NOX4: variants seen among roughly 807,000 people sequenced by gnomAD.
The protein encoded by NOX4 is NADPH oxidase 4, also known as kidney oxidase-1.
NOX4 carries 69 observed loss-of-function variants against 87.6 expected under a neutral mutation model. The observed-to-expected ratio is 0.79, with a 90% CI of 0.65 to 0.96. The LOEUF (loss-of-function observed/expected upper bound fraction) is 0.96, where lower values mean the gene tolerates loss of function less well. Among genes scored for constraint, NOX4 ranks in the 40% least tolerant of loss-of-function variants. The probability of loss-of-function intolerance (pLI) is 0.00; values close to 1 mark genes in which losing one functional copy is unlikely to be tolerated. For missense variants in NOX4, 680 were observed against 681.5 expected, an observed-to-expected ratio of 1.00 and a Z score of 0.02; for synonymous variants, 275 against 238.2, an observed-to-expected ratio of 1.15 and a Z score of -1.42.
chr11:89,569,658 T>C, the NOX4 span, among the ~76,000 whole-genome samples: 1 of 152,140 alleles, frequency 6.6e-6, no homozygotes. Flanking sequence ...GAACTTAAAA[T>C]GGAATTATCG....
the NOX4 span, among the ~76,000 whole-genome samples, chr11:89,514,334 T>A: frequency 6.6e-6 from 1 of 152,136 alleles, no homozygotes; most frequent in East Asian, 1.9e-4. Context: ...TTACAGTTAA[T>A]TTTTGTAAAG....
At chr11:89,558,794 A>G in the NOX4 span, among the ~76,000 whole-genome samples, 3 of 152,130 alleles carry the variant, frequency 2.0e-5, no homozygotes, top group African/African-American at 7.2e-5. Flanking sequence ...GAATAAATTT[A>G]CTACATTCTA....
intron 15 of NOX4, among the ~76,000 whole-genome samples, chr11:89,338,354 A>T (rs1015056608): frequency 6.6e-6 from 1 of 152,034 alleles, no homozygotes; most frequent in African/African-American, 2.4e-5. Context: ...ATAGTTATGC[A>T]TTGTATGTGT....
chr11:89,335,841 T>G lies in NOX4; in HGVS notation c.1616+4A>C. The G allele has an allele frequency of 1.3e-6, 2 of 1,514,512 alleles. No individual in the cohort carries two copies. Among genetic ancestry groups the G allele is most frequent in the African/African-American group, 1.4e-5 (1 of 72,438 alleles). 93.8% of individuals were successfully genotyped at this position (1,514,512 alleles called of 1,614,324 possible). Reference sequence around the variant, plus strand: ...ATATCAAATTTTTGAGGTATAGTACTTACCCTCTGTTATATTTTGCTATTT... The same window carrying G: ...ATATCAAATTTTTGAGGTATAGTACGTACCCTCTGTTATATTTTGCTATTT... On this transcript the variant is annotated splice_donor_region_variant and intron_variant, in intron 17 of 17. Coordinates refer to ENST00000263317, the MANE Select transcript of NOX4 (RefSeq NM_016931.5).
chr11:89,479,841 A>T (rs144791903), intron 2 of NOX4, among the ~76,000 whole-genome samples: 1 of 152,264 alleles, frequency 6.6e-6, no homozygotes, highest in African/African-American at 2.4e-5. Context: ...ATTATATCAC[A>T]AACTTGCTTT....
At chr11:89,373,668 G>A (rs1368841533) in intron 11 of NOX4, among the ~76,000 whole-genome samples, 176 bp from the exon 12 acceptor site, 2 of 151,834 alleles carry the variant, frequency 1.3e-5, no homozygotes, top group Non-Finnish European at 2.9e-5. Flanking sequence ...ATGTCAACAG[G>A]TCAGTAAGAC....
intron 11 of NOX4, among the ~76,000 whole-genome samples, chr11:89,390,848 C>T (rs1007646308): frequency 6.6e-6 from 1 of 152,130 alleles, no homozygotes; most frequent in Non-Finnish European, 1.5e-5. Flanking sequence ...GAAATAAGCA[C>T]CATGATCTCA....
chr11:89,336,007 C>T, intron 16 of NOX4, 62 bp from the exon 17 acceptor site: 1 of 1,029,222 alleles, frequency 9.7e-7, no homozygotes. Context: ...TCTCTAACAT[C>T]ATTTCTGCTG....
At chr11:89,491,720 C>T (rs1946863323), upstream of NOX4, among the ~76,000 whole-genome samples, 1 of 118,292 alleles carries the variant, frequency 8.5e-6, no homozygotes. Context: ...CCCTCGCCGC[C>T]CCCTTGTACA....
chr11:89,401,873 G>C (rs530518671), intron 9 of NOX4, among the ~76,000 whole-genome samples: 1 of 152,114 alleles, frequency 6.6e-6, no homozygotes, highest in African/African-American at 2.4e-5. Flanking sequence ...GGACATTTTA[G>C]CACAATGCCT....
the NOX4 span, among the ~76,000 whole-genome samples, chr11:89,570,284 A>G: frequency 2.0e-5 from 3 of 152,184 alleles, no homozygotes; most frequent in South Asian, 6.2e-4. Flanking sequence ...GTTCTCACTT[A>G]TAAGTGGGAG....
the NOX4 span, among the ~76,000 whole-genome samples, chr11:89,574,461 G>A: frequency 2.0e-5 from 3 of 152,262 alleles, no homozygotes; most frequent in Admixed American, 6.5e-5. Context: ...AGGTATTGAA[G>A]CCATAATTAT....
chr11:89,455,538 G>A (rs1260629204), intron 2 of NOX4, among the ~76,000 whole-genome samples: 1 of 152,024 alleles, frequency 6.6e-6, no homozygotes, highest in Non-Finnish European at 1.5e-5. Flanking sequence ...ACCATGCTCT[G>A]ATAAGCATTT....
chr11:89,336,552 T>C (rs1309796744), intron 16 of NOX4, among the ~76,000 whole-genome samples: 2 of 152,054 alleles, frequency 1.3e-5, no homozygotes, highest in East Asian at 1.9e-4. Flanking sequence ...AGGCTCCTGT[T>C]TGCAATTAAC....
upstream of NOX4, among the ~76,000 whole-genome samples, chr11:89,493,717 T>C (rs1329055974): frequency 1.1e-5 from 1 of 94,224 alleles, no homozygotes; most frequent in Admixed American, 1.3e-4. Flanking sequence ...CTAAGCCAGA[T>C]TGTTTTATTA....
chr11:89,399,681 T>C (rs781027334), intron 11 of NOX4, among the ~76,000 whole-genome samples: 4 of 150,966 alleles, frequency 2.6e-5, no homozygotes, highest in Non-Finnish European at 5.9e-5. Context: ...CTCAGGCTGA[T>C]CTTGAAATCC....
chr11:89,517,624 A>G, the NOX4 span, among the ~76,000 whole-genome samples: 1 of 133,514 alleles, frequency 7.5e-6, no homozygotes, highest in Non-Finnish European at 1.6e-5. Flanking sequence ...TGACACCACA[A>G]CTGGCTAATT....
At chr11:89,455,885 T>G (rs1945176740) in intron 2 of NOX4, among the ~76,000 whole-genome samples, 2 of 151,930 alleles carry the variant, frequency 1.3e-5, no homozygotes, top group South Asian at 4.2e-4. Flanking sequence ...AAAAAGAAAT[T>G]GAACTCATGG....
chr11:89,453,966 T>C (rs904823709), intron 2 of NOX4, among the ~76,000 whole-genome samples: 1 of 152,138 alleles, frequency 6.6e-6, no homozygotes, highest in Non-Finnish European at 1.5e-5. Context: ...TAGATAAGAC[T>C]TCCCTCCTAG....
Sources: allele counts gnomAD v4.1 joint callset (sites outside exome capture counted in the v4.1 genomes callset), GRCh38; gene constraint gnomAD v4.1.1; transcripts MANE v1.5; gene names NCBI Gene and HGNC (gene_info 2026-07-23, HGNC 2026-07-21).